The following MTHFD2L variants were observed in gnomAD, a reference collection of about 807,000 sequenced individuals.
MTHFD2L encodes the protein methylenetetrahydrofolate dehydrogenase (NADP+ dependent) 2 like.
A neutral mutation model predicts 34.9 loss-of-function variants in MTHFD2L; 29 were observed. The observed-to-expected ratio is 0.83, with a 90% CI of 0.62 to 1.13. MTHFD2L has a LOEUF of 1.13. Ranked by LOEUF, MTHFD2L falls within the 50% of genes most tolerant of loss-of-function variation. The pLI, the probability that MTHFD2L is intolerant of heterozygous loss-of-function variation, is 0.00. For synonymous variants in MTHFD2L, 167 were observed against 155.7 expected (o/e 1.07, Z -0.54); for missense variants, 481 against 446.5 (o/e 1.08, Z -0.70).
chr4:74,131,697 C>A (rs552021123), intron 1 of MTHFD2L, among the ~76,000 whole-genome samples: 23 of 152,200 alleles, frequency 1.5e-4, no homozygotes, highest in South Asian at 1.2e-3. Flanking sequence ...ACTAAAACAC[C>A]AAAAGCAATG....
intron 5 of MTHFD2L, among the ~76,000 whole-genome samples, chr4:74,218,286 A>G (rs1737542347): frequency 6.6e-6 from 1 of 152,134 alleles, no homozygotes; most frequent in African/African-American, 2.4e-5. Context: ...GCATAGGAAA[A>G]CATCTTACTA....
upstream of MTHFD2L, among the ~76,000 whole-genome samples, chr4:74,153,635 T>C (rs1450716858): frequency 1.3e-5 from 2 of 152,172 alleles, no homozygotes; most frequent in African/African-American, 4.8e-5. Context: ...GAAATATTAA[T>C]AAATAAATTA....
At chr4:74,149,631 C>A (rs1213088875) in intron 1 of MTHFD2L, among the ~76,000 whole-genome samples, 1 of 152,092 alleles carries the variant, frequency 6.6e-6, no homozygotes, top group Admixed American at 6.5e-5. Context: ...AAATTCAAGA[C>A]AATGATTACC....
At chr4:74,146,754 T>G (rs1723619069) in intron 1 of MTHFD2L, among the ~76,000 whole-genome samples, 1 of 152,064 alleles carries the variant, frequency 6.6e-6, no homozygotes. Context: ...TGCGCAACTT[T>G]TGCTTGAACA....
intron 7 of MTHFD2L, among the ~76,000 whole-genome samples, chr4:74,289,790 G>A (rs569704190): frequency 6.6e-6 from 1 of 151,964 alleles, no homozygotes. Context: ...GGAAAGAGAA[G>A]AATCAATCAA....
At chr4:74,144,712 T>C (rs1723485238) in intron 1 of MTHFD2L, among the ~76,000 whole-genome samples, 1 of 152,200 alleles carries the variant, frequency 6.6e-6, no homozygotes, top group African/African-American at 2.4e-5. Context: ...ATTTGGTGTC[T>C]TGGAGATGTC....
At chr4:74,165,029 G>A (rs1726362127) in intron 1 of MTHFD2L, 4 of 983,720 alleles carry the variant, frequency 4.1e-6, no homozygotes, top group African/African-American at 1.7e-5. Context: ...TGCATTAATG[G>A]CAAGGTCACT....
upstream of MTHFD2L, chr4:74,156,903 T>G (rs972320303): frequency 8.5e-5 from 13 of 152,212 alleles, no homozygotes; most frequent in African/African-American, 1.9e-4. Context: ...GTTGCTTTTC[T>G]TTTTTCTTTA....
intron 1 of MTHFD2L, among the ~76,000 whole-genome samples, chr4:74,127,424 T>C (rs1340496672): frequency 6.6e-6 from 1 of 152,128 alleles, no homozygotes; most frequent in Non-Finnish European, 1.5e-5. Flanking sequence ...TTCTTGGCCT[T>C]GGTAACCATC....
At chr4:74,286,189 A>G (rs922945469) in intron 7 of MTHFD2L, among the ~76,000 whole-genome samples, 26 of 152,174 alleles carry the variant, frequency 1.7e-4, no homozygotes, top group South Asian at 6.2e-4. Flanking sequence ...TTACTTGAAC[A>G]TACTTCCTCC....
chr4:74,161,492 C>A (rs1725456678), intron 1 of MTHFD2L: 1 of 152,198 alleles, frequency 6.6e-6, no homozygotes, highest in Non-Finnish European at 1.5e-5. Flanking sequence ...ATTTTGATTT[C>A]TAAGAAGTTC....
At chr4:74,254,923 G>A (rs932875959) in intron 6 of MTHFD2L, among the ~76,000 whole-genome samples, 2 of 151,770 alleles carry the variant, frequency 1.3e-5, no homozygotes, top group African/African-American at 4.8e-5. Flanking sequence ...TCACCTGAGG[G>A]CAGGAGTTCG....
intron 1 of MTHFD2L, among the ~76,000 whole-genome samples, chr4:74,169,981 G>A (rs542424962): frequency 6.6e-6 from 1 of 152,290 alleles, no homozygotes; most frequent in African/African-American, 2.4e-5. Flanking sequence ...ATTTAAGTTT[G>A]TAGGTTTAAA....
chr4:74,175,361 G>A lies in MTHFD2L; in HGVS notation c.409G>A (p.Asp137Asn), dbSNP rs774458814. 3 of 1,612,770 alleles carry A rather than the reference G, an allele frequency of 1.9e-6. No individual in the cohort carries two copies. ...GGACGTAACTGATCAATTGAATATG[G>A]ACCCAAGAGTCAGCGGTATATTAGT... ...LLDVTDQLNMDPRVSGILVQL... is the reference protein window; with the variant it reads ...LLDVTDQLNMNPRVSGILVQL... Residue 137 changes from aspartate (D) to asparagine (N), a missense_variant, in exon 3 of 8, where the codon GAC becomes AAC. Transcript: ENST00000325278.
intron 1 of MTHFD2L, among the ~76,000 whole-genome samples, chr4:74,125,876 C>T (rs757191621): frequency 6.6e-6 from 1 of 152,006 alleles, no homozygotes; most frequent in African/African-American, 2.4e-5. Context: ...AGCATTCTTC[C>T]ATGGTTTCCA....
At chr4:74,195,118 A>G (rs1733247539) in intron 3 of MTHFD2L, 1 of 152,218 alleles carries the variant, frequency 6.6e-6, no homozygotes, top group African/African-American at 2.4e-5. Context: ...AGGTGGCAAA[A>G]TGCCTCATGT....
chr4:74,163,691 T>C (rs994576809), intron 1 of MTHFD2L, among the ~76,000 whole-genome samples: 9 of 152,234 alleles, frequency 5.9e-5, no homozygotes, highest in African/African-American at 1.2e-4. Flanking sequence ...CTCCCTATAC[T>C]GGTGATTGGT....
At chr4:74,288,460 A>G (rs1748471850) in intron 7 of MTHFD2L, 1 of 152,322 alleles carries the variant, frequency 6.6e-6, no homozygotes, top group Middle Eastern at 3.4e-3. Flanking sequence ...GGGAGGCTAC[A>G]CTTTGGTAAA....
intron 5 of MTHFD2L, among the ~76,000 whole-genome samples, chr4:74,219,030 G>T (rs187316764): frequency 6.6e-6 from 1 of 151,906 alleles, no homozygotes; most frequent in African/African-American, 2.4e-5. Context: ...CATTTACATT[G>T]TATTAGGTAT....
Sources: allele counts gnomAD v4.1 joint callset (sites outside exome capture counted in the v4.1 genomes callset), GRCh38; gene constraint gnomAD v4.1.1; transcripts MANE v1.5; gene names NCBI Gene and HGNC (gene_info 2026-07-23, HGNC 2026-07-21).